CORO2B: variants seen among roughly 807,000 people sequenced by gnomAD.
CORO2B encodes coronin 2B, also known as coronin-2B.
A neutral mutation model predicts 58.8 loss-of-function variants in CORO2B; 26 were observed. The ratio of observed to expected loss-of-function variants is 0.44; its 90% CI spans 0.32 to 0.61. CORO2B has a LOEUF of 0.61. Ranked by LOEUF, CORO2B falls within the 20% of genes least tolerant of loss-of-function variation. The pLI, the probability that CORO2B is intolerant of heterozygous loss-of-function variation, is 0.04. For synonymous variants in CORO2B, 242 were observed against 253.8 expected (o/e 0.95, Z 0.44); for missense variants, 460 against 645.1 (o/e 0.71, Z 3.11).
chr15:68,698,719 C>A (rs563704624), intron 3 of CORO2B, among the ~76,000 whole-genome samples: 1 of 152,218 alleles, frequency 6.6e-6, no homozygotes, highest in South Asian at 2.1e-4. Context: ...CGGTTTTGCT[C>A]GTCTCTGAAA....
chr15:68,714,610 C>T lies in CORO2B; in HGVS notation c.817C>T (p.Leu273Phe). Residue 273 changes from leucine (L) to phenylalanine (F), a missense_variant, in exon 7 of 12, where the codon CTC becomes TTC. Physicochemically the swap from Leu to Phe is conservative, Grantham distance 22. This residue lies in a region of CORO2B where 352 missense variants were observed against 543.0 expected (regional missense o/e 0.65). Transcript: ENST00000261861. ...IEEEIDGLSG[L>F]LFPFYDADTH... ...AGAGGAAATTGATGGGCTCTCTGGC[C>T]TCCTGTTCCCCTTCTATGATGCTGA... 1 of 1,614,122 alleles carries T rather than the reference C, an allele frequency of 6.2e-7. No homozygotes were observed. The highest frequency in any genetic ancestry group is 1.1e-5 in the South Asian group (1 of 91,086).
intron 4 of CORO2B, 145 bp from the exon 5 acceptor site, chr15:68,711,397 A>T (rs1892913045): frequency 1.6e-6 from 1 of 621,746 alleles, no homozygotes; most frequent in Non-Finnish European, 2.8e-6. Context: ...TTCCATATAG[A>T]ACTCAATGAC....
intron 3 of CORO2B, among the ~76,000 whole-genome samples, chr15:68,709,849 T>C (rs978816924): frequency 6.6e-6 from 1 of 151,972 alleles, no homozygotes; most frequent in East Asian, 1.9e-4. Context: ...GTCTTTTCAT[T>C]CTACCAGTAG....
intron 2 of CORO2B, among the ~76,000 whole-genome samples, chr15:68,689,000 A>G (rs1892291626): frequency 6.7e-6 from 1 of 149,918 alleles, no homozygotes; most frequent in Non-Finnish European, 1.5e-5. Flanking sequence ...GTCTGTTGGC[A>G]TTGGCACACA....
chr15:68,632,172 G>A (rs983804747), intron 1 of CORO2B: 40 of 985,426 alleles, frequency 4.1e-5, no homozygotes, highest in Admixed American at 1.2e-4. Context: ...TCCTGCACCC[G>A]TGGCCCCCAT....
At chr15:68,527,147 A>T in the CORO2B span, among the ~76,000 whole-genome samples, 1 of 152,214 alleles carries the variant, frequency 6.6e-6, no homozygotes, top group Non-Finnish European at 1.5e-5. Context: ...GGTACTTGTT[A>T]TGTAAGTTAC....
chr15:68,518,961 T>C, the CORO2B span, among the ~76,000 whole-genome samples: 2 of 152,118 alleles, frequency 1.3e-5, no homozygotes, highest in African/African-American at 4.8e-5. Flanking sequence ...TGATTTCAGA[T>C]AACGTGCCCC....
chr15:68,720,670 G>A (rs549753398), intron 11 of CORO2B, among the ~76,000 whole-genome samples: 56 of 152,108 alleles, frequency 3.7e-4, no homozygotes, highest in Non-Finnish European at 7.8e-4. Flanking sequence ...TCCTCCATAA[G>A]GCAGCTCACA....
At chr15:68,657,160 T>C (rs988050678) in intron 2 of CORO2B, among the ~76,000 whole-genome samples, 2 of 149,898 alleles carry the variant, frequency 1.3e-5, no homozygotes, top group Non-Finnish European at 3.0e-5. Flanking sequence ...GAAAAACCCA[T>C]AGACCCCTTC....
intron 2 of CORO2B, among the ~76,000 whole-genome samples, chr15:68,690,157 C>G (rs965224011): frequency 3.9e-5 from 6 of 152,290 alleles, no homozygotes; most frequent in African/African-American, 1.4e-4. Context: ...TCTTCTATCT[C>G]TGTATTTGGT....
the CORO2B span, among the ~76,000 whole-genome samples, chr15:68,570,805 T>TTG: frequency 4.2e-5 from 6 of 141,620 alleles, no homozygotes; most frequent in Non-Finnish European, 9.3e-5. Context: ...CGTAGTTTTT[T>TTG]TTTTTTTTTT....
the CORO2B span, among the ~76,000 whole-genome samples, chr15:68,540,187 C>T: frequency 6.6e-6 from 1 of 152,212 alleles, no homozygotes; most frequent in Non-Finnish European, 1.5e-5. Flanking sequence ...TTTGAAACAT[C>T]ATACTTTGAT....
At chr15:68,583,993 G>A (rs958937628) in intron 1 of CORO2B, among the ~76,000 whole-genome samples, 3 of 152,220 alleles carry the variant, frequency 2.0e-5, no homozygotes, top group African/African-American at 7.2e-5. Context: ...TGTGCGGCTA[G>A]CAGTCATTCG....
chr15:68,559,278 C>T, the CORO2B span, among the ~76,000 whole-genome samples: 2 of 152,052 alleles, frequency 1.3e-5, no homozygotes, highest in Non-Finnish European at 2.9e-5. This position sits in a 1 kb window ranked among gnomAD's most constrained non-coding sequence, Gnocchi z 4.3. Context: ...AATAATCAGC[C>T]GGTTAATTCC....
chr15:68,616,623 G>C (rs977931281), intron 1 of CORO2B: 1 of 985,260 alleles, frequency 1.0e-6, no homozygotes, highest in Non-Finnish European at 1.2e-6. Context: ...CGGTGAGTAC[G>C]GCTGTGTCAG....
In CORO2B at chr15:68,579,371, G is replaced by A. The variant is rs2140551955; in HGVS notation, c.15+94G>A. ...GGCGCGGGGGTGTGGGTGTGGGGAG[G>A]GGGCGCCGGTGCCGGGAAGGTGCGG... On this transcript the variant is annotated intron_variant, in intron 1 of 11. Coordinates refer to ENST00000261861, the MANE Select transcript of CORO2B (RefSeq NM_006091.5). 2.6e-6 allele frequency: 3 copies of A among 1,151,546 alleles called. No homozygotes were observed. The East Asian group carries it at 1.1e-4, about 42-fold the overall frequency. The allele number at this position is 1,151,546 out of a possible 1,614,324, so 71.3% of individuals were successfully genotyped here. A position where few individuals can be genotyped will look rare whatever the true frequency, so the allele number is the denominator to read the frequency against.
intron 11 of CORO2B, among the ~76,000 whole-genome samples, chr15:68,722,951 C>A (rs1020087520): frequency 6.6e-6 from 1 of 151,836 alleles, no homozygotes; most frequent in African/African-American, 2.4e-5. Flanking sequence ...CCTGTAATCC[C>A]AGCTACTCGG....
At position 68,692,516 on chromosome 15, in the gene CORO2B, C is replaced by T. The variant is rs191437014; in HGVS notation, c.217-2624C>T. 4.5e-3 allele frequency among the ~76,000 whole-genome samples: 681 copies of T among 151,360 alleles called. 3 individuals are homozygous for T. Among genetic ancestry groups the T allele is most frequent in the African/African-American group, 0.015 (640 of 41,318 alleles). On this transcript the variant is annotated intron_variant, in intron 2 of 11. Transcript: ENST00000261861. The stretch of plus-strand genomic sequence containing the variant: ...AGGAGAATCGCTTGAACCCGGGAGG[C>T]GGAGGTTGCAGTGAGCCAAGATCAC...
At chr15:68,715,402 C>G in intron 8 of CORO2B, 91 bp downstream of exon 8, 1 of 924,384 alleles carries the variant, frequency 1.1e-6, no homozygotes, top group Non-Finnish European at 1.7e-6. Context: ...AGTGGAAAAT[C>G]AGACTCAGAA....
Sources: gnomAD v4.1 joint callset for allele counts (sites outside exome capture counted in the v4.1 genomes callset) on GRCh38, gnomAD v4.1.1 for gene constraint, gnomAD v4.1.1 regional missense constraint, Gnocchi (gnomAD v3.1) non-coding constraint, MANE v1.5 for transcripts, NCBI Gene and HGNC (gene_info 2026-07-23, HGNC 2026-07-21) for gene names.